The following STX8 variants were observed in gnomAD, a reference collection of about 807,000 sequenced individuals.
STX8 encodes syntaxin-8.
STX8 carries 23 observed loss-of-function variants against 37.5 expected under a neutral mutation model. The observed-to-expected ratio is 0.61, with a 90% CI of 0.44 to 0.87. The LOEUF is 0.87. Among genes scored for constraint, STX8 ranks in the 40% least tolerant of loss-of-function variants. The pLI is 0.00. For missense variants in STX8, 313 were observed against 284.7 expected, an observed-to-expected ratio of 1.10 and a Z score of -0.71; for synonymous variants, 115 against 99.1, an observed-to-expected ratio of 1.16 and a Z score of -0.95.
intron 6 of STX8, among the ~76,000 whole-genome samples, chr17:9,429,571 C>T (rs1448268332): frequency 1.2e-4 from 17 of 137,724 alleles, no homozygotes; most frequent in East Asian, 4.1e-4. Context: ...GGCGTGGTGG[C>T]GGGCACCTGT....
At chr17:9,350,691 C>T (rs1910678566) in intron 7 of STX8, among the ~76,000 whole-genome samples, 1 of 152,106 alleles carries the variant, frequency 6.6e-6, no homozygotes, top group South Asian at 2.1e-4. Flanking sequence ...CGCCACCACA[C>T]CTGGCTAATT....
chr17:9,426,265 G>A (rs1354344572), intron 6 of STX8, among the ~76,000 whole-genome samples: 2 of 152,122 alleles, frequency 1.3e-5, no homozygotes, highest in African/African-American at 2.4e-5. Flanking sequence ...GATGGCTCAC[G>A]CCTGTAATCC....
chr17:9,484,507 G>A (rs1906493571), intron 6 of STX8, among the ~76,000 whole-genome samples: 1 of 151,842 alleles, frequency 6.6e-6, no homozygotes, highest in Admixed American at 6.6e-5. Flanking sequence ...TCCAGCCACT[G>A]GGAAAAGTTT....
At chr17:9,310,155 A>G (rs552462654) in intron 7 of STX8, among the ~76,000 whole-genome samples, 1 of 122,246 alleles carries the variant, frequency 8.2e-6, no homozygotes, top group South Asian at 2.1e-4. Flanking sequence ...GGGGAAAAAA[A>G]ACAACATACA....
chr17:9,511,552 C>T (rs1170345536), intron 4 of STX8, among the ~76,000 whole-genome samples: 1 of 151,944 alleles, frequency 6.6e-6, no homozygotes, highest in Non-Finnish European at 1.5e-5. Flanking sequence ...AATTCAACAT[C>T]TCAATTAAAA....
chr17:9,562,907 T>TA (rs1907301095), intron 2 of STX8, among the ~76,000 whole-genome samples: 1 of 151,998 alleles, frequency 6.6e-6, no homozygotes, highest in African/African-American at 2.4e-5. Flanking sequence ...AAAAGACACC[T>TA]ATGCACATAA....
intron 6 of STX8, among the ~76,000 whole-genome samples, chr17:9,479,879 G>A (rs77672255): frequency 0.022 from 3,380 of 151,880 alleles, 115 homozygotes; most frequent in African/African-American, 0.075. Flanking sequence ...CTAGACCCTG[G>A]GTACACTGAC....
chr17:9,561,475 A>G (rs1907227174), intron 2 of STX8, among the ~76,000 whole-genome samples: 1 of 152,124 alleles, frequency 6.6e-6, no homozygotes, highest in Admixed American at 6.5e-5. Flanking sequence ...CCTAGCCAAC[A>G]TGGTGAAACC....
intron 6 of STX8, among the ~76,000 whole-genome samples, chr17:9,393,176 G>A (rs1912285130): frequency 6.6e-6 from 1 of 152,154 alleles, no homozygotes; most frequent in Admixed American, 6.5e-5. Flanking sequence ...TCAAAAATCA[G>A]AGGCCAGAAG....
intron 7 of STX8, among the ~76,000 whole-genome samples, chr17:9,356,970 T>G (rs1434650026): frequency 6.9e-6 from 1 of 145,600 alleles, no homozygotes; most frequent in East Asian, 2.0e-4. Flanking sequence ...GTTTTTTTTT[T>G]TTTTTTTTTT....
chr17:9,346,973 T>C (rs563539037), intron 7 of STX8, among the ~76,000 whole-genome samples: 3 of 152,012 alleles, frequency 2.0e-5, no homozygotes, highest in Admixed American at 6.6e-5. Context: ...ACTAAAAATA[T>C]ACAACTAGCT....
At chr17:9,289,211 T>C (rs1356674987) in intron 7 of STX8, among the ~76,000 whole-genome samples, 1 of 152,274 alleles carries the variant, frequency 6.6e-6, no homozygotes, top group African/African-American at 2.4e-5. Context: ...ATAATAAAGA[T>C]AGTTTTGGAC....
intron 7 of STX8, among the ~76,000 whole-genome samples, chr17:9,262,369 A>G (rs1361565769): frequency 2.0e-5 from 3 of 152,054 alleles, no homozygotes; most frequent in Non-Finnish European, 2.9e-5. Context: ...ACTGAGCACA[A>G]TTGGGGTTCA....
chr17:9,479,389 C>G (rs1906224124), intron 6 of STX8, among the ~76,000 whole-genome samples: 1 of 151,858 alleles, frequency 6.6e-6, no homozygotes, highest in Non-Finnish European at 1.5e-5. Context: ...CAAAAATTAG[C>G]TGGGCATGGT....
At chr17:9,547,642 A>AAAAAAAAAAAAAAAAAAG (rs10694244) in intron 3 of STX8, among the ~76,000 whole-genome samples, 1 of 115,846 alleles carries the variant, frequency 8.6e-6, no homozygotes, top group Admixed American at 1.1e-4. Flanking sequence ...AAAAAAAAGA[A>AAAAAAAAAAAAAAAAAAG]AAAAGAAAAG....
In STX8 at chr17:9,380,248, C is replaced by CTG. The variant is rs1041301113; in HGVS notation, c.542-1597_542-1596dup. On this transcript the variant is annotated intron_variant, in intron 6 of 7. Coordinates refer to ENST00000306357, the MANE Select transcript of STX8 (RefSeq NM_004853.3). ...GCATTTTTCTGTGTTGTTTGAATTT[C>CTG]TGTGTGTTTTTTTTTTTTTTTTTTT... is the stretch of plus-strand genomic sequence containing the variant. Among the ~76,000 whole-genome samples, 7 of 122,664 alleles carry CTG rather than the reference C, an allele frequency of 5.7e-5. No individual in the cohort carries two copies. In the South Asian group the frequency reaches 9.9e-4, roughly 17 times the overall value. 80.5% of individuals were successfully genotyped at this position (122,664 alleles called of 152,430 possible).
chr17:9,261,425 G>A (rs189996342), intron 7 of STX8, among the ~76,000 whole-genome samples: 10 of 152,298 alleles, frequency 6.6e-5, no homozygotes, highest in Non-Finnish European at 8.8e-5. Context: ...GTGCAAAGAC[G>A]TATACCTGGC....
intron 7 of STX8, among the ~76,000 whole-genome samples, chr17:9,285,392 T>A (rs1261749899): frequency 6.9e-6 from 1 of 144,738 alleles, no homozygotes; most frequent in Non-Finnish European, 1.5e-5. Flanking sequence ...CAGAAACCAG[T>A]GTAGAGGTCC....
At chr17:9,492,439 T>C (rs1269216687) in intron 5 of STX8, among the ~76,000 whole-genome samples, 1 of 152,198 alleles carries the variant, frequency 6.6e-6, no homozygotes, top group Non-Finnish European at 1.5e-5. Context: ...TACTATGTAA[T>C]AGGTGAATAA....
Sources: gnomAD v4.1 joint callset for allele counts (sites outside exome capture counted in the v4.1 genomes callset) on GRCh38, gnomAD v4.1.1 for gene constraint, MANE v1.5 for transcripts, NCBI Gene and HGNC (gene_info 2026-07-23, HGNC 2026-07-21) for gene names.